The following C11orf65 variants were observed in gnomAD, a reference collection of about 807,000 sequenced individuals.
C11orf65 encodes the protein chromosome 11 open reading frame 65.
C11orf65 carries 38 observed loss-of-function variants against 35.3 expected under a neutral mutation model. That is an observed-to-expected ratio of 1.08 (90% CI 0.83 to 1.41). The LOEUF is 1.41. Among genes scored for constraint, C11orf65 ranks in the 40% most tolerant of loss-of-function variants. The pLI is 0.00. For missense variants in C11orf65, 370 were observed against 367.1 expected (o/e 1.01, Z -0.06); for synonymous variants, 105 against 114.4 (o/e 0.92, Z 0.53).
chr11:108,447,744 C>T (rs563853630), intron 2 of C11orf65, among the ~76,000 whole-genome samples: 1 of 152,170 alleles, frequency 6.6e-6, no homozygotes, highest in South Asian at 2.1e-4. Flanking sequence ...CAAGAGCAAA[C>T]ACATTCAAAA....
chr11:108,309,084 T>G (rs1170846130), intron 6 of C11orf65: 1 of 1,402,914 alleles, frequency 7.1e-7, no homozygotes, highest in Admixed American at 2.0e-5. Flanking sequence ...GGAGAAAGTA[T>G]GAATGGGATA....
intron 2 of C11orf65, among the ~76,000 whole-genome samples, chr11:108,455,127 AGC>A (rs1157567561): frequency 2.0e-5 from 3 of 152,210 alleles, no homozygotes; most frequent in African/African-American, 7.2e-5. Flanking sequence ...ACATATGACA[AGC>A]CCACAGCTAA....
chr11:108,421,410 C>T (rs1432774333), intron 3 of C11orf65, among the ~76,000 whole-genome samples: 2 of 152,190 alleles, frequency 1.3e-5, no homozygotes, highest in African/African-American at 4.8e-5. Flanking sequence ...AATCCCAGAA[C>T]TTTGGGAGGC....
chr11:108,467,200 A>C (rs1483522400), intron 1 of C11orf65, among the ~76,000 whole-genome samples: 2 of 152,070 alleles, frequency 1.3e-5, no homozygotes, highest in Non-Finnish European at 2.9e-5. Context: ...AGCAGTAAGG[A>C]CTTGTCAACC....
rs151162256 is a variant in C11orf65 at position 108,356,407 on chromosome 11, G to GCAC, written c.227-21118_227-21116dup. Among the ~76,000 whole-genome samples the GCAC allele has an allele frequency of 2.3e-3, 345 of 152,066 alleles. 2 individuals carry two copies. The highest frequency in any genetic ancestry group is 7.8e-3 in the African/African-American group (323 of 41,458). The stretch of plus-strand genomic sequence containing the variant: ...AAAAATTAGCTGGGCGTGATGGCGG[G>GCAC]CACCTGTAATCCCAGCTACTCAGGA... On this transcript the variant is annotated intron_variant, in intron 2 of 3. Coordinates refer to the C11orf65 transcript ENST00000524755.
intron 3 of C11orf65, among the ~76,000 whole-genome samples, chr11:108,423,333 C>T (rs1208207222): frequency 1.3e-5 from 2 of 152,152 alleles, no homozygotes; most frequent in Non-Finnish European, 2.9e-5. Context: ...GATCCACTGG[C>T]TTGAAATTTT....
chr11:108,431,829 T>C lies in C11orf65; in HGVS notation c.91A>G (p.Ile31Val), dbSNP rs755286620. 22 of 1,496,190 alleles carry C rather than the reference T, an allele frequency of 1.5e-5. No homozygotes were observed. Among genetic ancestry groups the C allele is most frequent in the Middle Eastern group, 1.8e-4 (1 of 5,620 alleles). 92.7% of individuals were successfully genotyped at this position (1,496,190 alleles called of 1,614,324 possible). A position where few individuals can be genotyped will look rare whatever the true frequency, so the allele number is the denominator to read the frequency against. Residue 31 changes from isoleucine to valine, a missense_variant, in exon 3 of 9, where the codon ATA (isoleucine) becomes GTA (valine). Transcript: ENST00000393084. ...ATCAGACTTTTAAAGTGTTGAAATA[T>C]AGCGACATTCTAAAGGTTCAAACAC... ...QAWKSFLNVAIFQHFKSLIDL... is the reference protein window; with the variant it reads ...QAWKSFLNVAVFQHFKSLIDL...
intron 6 of C11orf65, among the ~76,000 whole-genome samples, chr11:108,393,873 TTTAA>T (rs2092235032): frequency 1.3e-5 from 2 of 152,204 alleles, no homozygotes. Context: ...TACAGTCTTA[TTTAA>T]TTCTTTTTAA....
chr11:108,330,663 AGTTT>A (rs2086158982), downstream of C11orf65, among the ~76,000 whole-genome samples: 1 of 152,184 alleles, frequency 6.6e-6, no homozygotes, highest in Non-Finnish European at 1.5e-5. Context: ...AAATGATGCA[AGTTT>A]GTGTGGAGGT....
intron 6 of C11orf65, among the ~76,000 whole-genome samples, chr11:108,395,425 A>G (rs1327756226): frequency 1.4e-4 from 20 of 145,920 alleles, no homozygotes; most frequent in Admixed American, 1.4e-3. Context: ...CCCGGGTTCA[A>G]GCAATTCTCC....
At chr11:108,389,439 T>A (rs1016819833) in intron 7 of C11orf65, among the ~76,000 whole-genome samples, 17 of 152,200 alleles carry the variant, frequency 1.1e-4, no homozygotes, top group African/African-American at 4.1e-4. Flanking sequence ...GAAATTTTTG[T>A]TGTTCAAGGC....
intron 2 of C11orf65, among the ~76,000 whole-genome samples, chr11:108,350,827 A>G (rs900260500): frequency 1.3e-5 from 2 of 152,182 alleles, no homozygotes; most frequent in African/African-American, 2.4e-5. Context: ...TGCTAAAAGC[A>G]TCTATAAATG....
intron 2 of C11orf65, among the ~76,000 whole-genome samples, chr11:108,374,206 GACCCCT>G (rs1283197266): frequency 5.3e-5 from 8 of 152,106 alleles, no homozygotes; most frequent in Non-Finnish European, 8.8e-5. Flanking sequence ...CCTGACCCCT[GACCCCT>G]GAGCAGCCTA....
intron 6 of C11orf65, chr11:108,319,901 A>T (rs55735410): frequency 1.6e-6 from 2 of 1,281,910 alleles, no homozygotes; most frequent in Non-Finnish European, 2.3e-6. Context: ...TTATACATGT[A>T]TATCTTAGGG....
intron 2 of C11orf65, among the ~76,000 whole-genome samples, chr11:108,456,774 CAAAGAAAGAAAAAAA>C (rs2093415326): frequency 7.3e-6 from 1 of 137,686 alleles, no homozygotes; most frequent in Non-Finnish European, 1.6e-5. Flanking sequence ...GAAACCCTAT[CAAAGAAAGAAAAAAA>C]AAAGAAAGAA....
intron 2 of C11orf65, chr11:108,354,765 C>G (rs2089677490): frequency 6.7e-7 from 1 of 1,493,298 alleles, no homozygotes; most frequent in African/African-American, 1.4e-5. Context: ...ACGTTGACAA[C>G]ATTGGTGTGT....
intron 1 of C11orf65, among the ~76,000 whole-genome samples, chr11:108,467,141 A>G (rs1046368679): frequency 6.6e-6 from 1 of 152,166 alleles, no homozygotes; most frequent in Non-Finnish European, 1.5e-5. Context: ...GGACGGAGTA[A>G]TATCTTTGCG....
rs774925473 is a variant in C11orf65 at position 108,309,110 on chromosome 11, A to G, written c.641-39T>C. On this transcript the variant is annotated intron_variant, in intron 6 of 6. Transcript: ENST00000525729. ...GAATGGGATATAGAAAAACGGGTAA[A>G]GACATGCATTCAAGTCCAAGCTTGT... 96 of 1,163,090 alleles carry G rather than the reference A, an allele frequency of 8.3e-5. No individual in the cohort carries two copies. The highest frequency in any genetic ancestry group is 1.1e-4 in the Non-Finnish European group (90 of 808,586). The allele number at this position is 1,163,090 out of a possible 1,614,324, so 72.0% of individuals were successfully genotyped here.
At chr11:108,382,687 GAGCTC>G (rs1177997981), downstream of C11orf65, 11 of 741,012 alleles carry the variant, frequency 1.5e-5, no homozygotes, top group East Asian at 1.2e-3. Context: ...AAGGGACCGA[GAGCTC>G]TGCCTTCCAT....
Sources: gnomAD v4.1 joint callset for allele counts (sites outside exome capture counted in the v4.1 genomes callset) on GRCh38, gnomAD v4.1.1 for gene constraint, MANE v1.5 for transcripts, NCBI Gene and HGNC (gene_info 2026-07-23, HGNC 2026-07-21) for gene names.